CRACD: variants seen among roughly 807,000 people sequenced by gnomAD.
CRACD encodes capping protein-inhibiting regulator of actin dynamics.
CRACD carries 56 observed loss-of-function variants against 106.8 expected under a neutral mutation model. The observed-to-expected ratio is 0.52, with a 90% CI of 0.42 to 0.66. CRACD has a LOEUF of 0.66. Ranked by LOEUF, CRACD falls within the 30% of genes least tolerant of loss-of-function variation. The pLI, the probability that CRACD is intolerant of heterozygous loss-of-function variation, is 0.00. For missense variants in CRACD, 1,730 were observed against 1,623.2 expected (o/e 1.07, Z -1.13); for synonymous variants, 754 against 670.8 (o/e 1.12, Z -1.92).
At chr4:56,301,135 G>A in intron 4 of CRACD, 1 of 773,818 alleles carries the variant, frequency 1.3e-6, no homozygotes. Flanking sequence ...AGGGAAATGG[G>A]GACCATTATC....
chr4:56,250,518 A>G (rs1017622920), intron 2 of CRACD, among the ~76,000 whole-genome samples: 1 of 152,248 alleles, frequency 6.6e-6, no homozygotes, highest in Admixed American at 6.5e-5. Context: ...ATTGAGACTT[A>G]GGACAAATGT....
At chr4:56,223,056 C>G (rs1442941696) in intron 2 of CRACD, among the ~76,000 whole-genome samples, 1 of 148,366 alleles carries the variant, frequency 6.7e-6, no homozygotes. Flanking sequence ...AAAAAAAAAG[C>G]AGCAGATCTT....
intron 1 of CRACD, among the ~76,000 whole-genome samples, chr4:56,057,012 GAAGT>G (rs2109780764): frequency 6.6e-6 from 1 of 152,322 alleles, no homozygotes; most frequent in East Asian, 1.9e-4. Context: ...ATTACACGTT[GAAGT>G]AATAGTTTTG....
intron 2 of CRACD, among the ~76,000 whole-genome samples, chr4:56,197,826 C>T (rs994144444): frequency 8.5e-5 from 13 of 152,058 alleles, no homozygotes; most frequent in Non-Finnish European, 1.0e-4. Flanking sequence ...TATAGGCACC[C>T]GCCATCACGC....
chr4:56,227,201 A>G (rs188897288), intron 2 of CRACD, among the ~76,000 whole-genome samples: 74 of 152,336 alleles, frequency 4.9e-4, no homozygotes, highest in Admixed American at 1.8e-3. Flanking sequence ...TACTTCCTGC[A>G]GTCAGATAAG....
intron 2 of CRACD, among the ~76,000 whole-genome samples, chr4:56,203,522 G>T (rs189166935): frequency 6.6e-6 from 1 of 152,234 alleles, no homozygotes; most frequent in East Asian, 1.9e-4. Flanking sequence ...AGCTTCTTGA[G>T]GTTCCTTCCT....
At chr4:56,312,939 C>G (rs886427013) in intron 6 of CRACD, among the ~76,000 whole-genome samples, 16 of 152,172 alleles carry the variant, frequency 1.1e-4, no homozygotes, top group Non-Finnish European at 2.2e-4. Flanking sequence ...TCATATTAGT[C>G]AAAGTAGGAA....
chr4:56,320,432 G>T (rs141707847), intron 8 of CRACD, among the ~76,000 whole-genome samples: 1 of 152,156 alleles, frequency 6.6e-6, no homozygotes, highest in Non-Finnish European at 1.5e-5. Context: ...TCAAATAGGT[G>T]ATGCAATTGA....
At chr4:56,307,809 C>T in intron 5 of CRACD, 110 bp downstream of exon 5, 1 of 1,091,878 alleles carries the variant, frequency 9.2e-7, no homozygotes, top group Non-Finnish European at 1.3e-6. Context: ...GAGCTTTTCT[C>T]ATGAGTAGCT....
chr4:56,315,404 T>C lies in CRACD; in HGVS notation c.1902T>C (p.Ala634=). 1 of 1,612,956 alleles carries C rather than the reference T, an allele frequency of 6.2e-7. No individual in the cohort carries two copies. Among genetic ancestry groups the C allele is most frequent in the Non-Finnish European group, 8.5e-7 (1 of 1,179,736 alleles). Residue 634 remains alanine, a synonymous_variant, in exon 8 of 11, where the codon GCT becomes GCC. Transcript: ENST00000682029. The surrounding 1 kb of genome is among the most constrained non-coding windows in gnomAD (Gnocchi z 4.1). Reference sequence around the variant, plus strand: ...AGAAGAAGCACGCGGAAGCCCCAGCTGGGGAGAACCCTCCCCGAGGCCCCG... The same window carrying C: ...AGAAGAAGCACGCGGAAGCCCCAGCCGGGGAGAACCCTCCCCGAGGCCCCG... ...LEEKKHAEAP[A]GENPPRGPGD...
At chr4:56,299,724 T>C (rs1258456707) in intron 4 of CRACD, among the ~76,000 whole-genome samples, 1 of 151,760 alleles carries the variant, frequency 6.6e-6, no homozygotes, top group East Asian at 1.9e-4. Flanking sequence ...AGCACTTCTC[T>C]GAGGCTCTCC....
chr4:56,106,366 A>G (rs991851694), intron 1 of CRACD, among the ~76,000 whole-genome samples: 20 of 152,240 alleles, frequency 1.3e-4, no homozygotes, highest in African/African-American at 4.8e-4. Context: ...TCAAGTCTCC[A>G]GTGTTGATCC....
chr4:56,134,961 G>A (rs901054564), intron 1 of CRACD, among the ~76,000 whole-genome samples: 2 of 151,882 alleles, frequency 1.3e-5, no homozygotes, highest in Non-Finnish European at 2.9e-5. Context: ...TAAATAGCAG[G>A]TAGTGCCTCA....
chr4:56,317,447 A>G (rs542786395), intron 8 of CRACD, among the ~76,000 whole-genome samples: 2 of 152,318 alleles, frequency 1.3e-5, no homozygotes, highest in Non-Finnish European at 2.9e-5. Flanking sequence ...ACTTATTTAC[A>G]CAAGCGATAA....
chr4:56,175,503 T>A (rs183867035), intron 1 of CRACD, among the ~76,000 whole-genome samples: 21 of 152,330 alleles, frequency 1.4e-4, no homozygotes, highest in South Asian at 4.1e-4. Context: ...TTTAATTTTT[T>A]AAAATTTTTT....
At chr4:56,108,991 C>G (rs1004238604) in intron 1 of CRACD, among the ~76,000 whole-genome samples, 1 of 152,156 alleles carries the variant, frequency 6.6e-6, no homozygotes, top group African/African-American at 2.4e-5. Flanking sequence ...ATCCAGCCTC[C>G]CACAAGAAGC....
At chr4:56,103,586 G>T (rs1440253919) in intron 1 of CRACD, among the ~76,000 whole-genome samples, 1 of 152,106 alleles carries the variant, frequency 6.6e-6, no homozygotes, top group African/African-American at 2.4e-5. Context: ...AGACAAACAT[G>T]CATTCTATCT....
chr4:56,070,667 C>T (rs994080213), intron 1 of CRACD, among the ~76,000 whole-genome samples: 1 of 152,148 alleles, frequency 6.6e-6, no homozygotes, highest in Non-Finnish European at 1.5e-5. Context: ...CTCTCTTCCT[C>T]TTTGAAATTC....
intron 2 of CRACD, among the ~76,000 whole-genome samples, chr4:56,231,266 G>A (rs1739602184): frequency 6.6e-6 from 1 of 152,186 alleles, no homozygotes; most frequent in Non-Finnish European, 1.5e-5. Context: ...CCCAAGAGAA[G>A]AGGCAGTATC....
Sources: allele counts gnomAD v4.1 joint callset (sites outside exome capture counted in the v4.1 genomes callset), GRCh38; gene constraint gnomAD v4.1.1; non-coding constraint Gnocchi (gnomAD v3.1); transcripts MANE v1.5; gene names NCBI Gene and HGNC (gene_info 2026-07-23, HGNC 2026-07-21).